ZNF536: variants seen among roughly 807,000 people sequenced by gnomAD.
ZNF536 encodes the protein zinc finger protein 536.
Under a neutral mutation model 84.5 loss-of-function variants are expected in ZNF536, and 13 were observed. The ratio of observed to expected loss-of-function variants is 0.15; its 90% CI spans 0.10 to 0.24. The LOEUF is 0.24. ZNF536 is among the 10% of genes least tolerant of loss of function. The pLI, the probability that ZNF536 is intolerant of heterozygous loss-of-function variation, is 1.00. For missense variants in ZNF536, 1,536 were observed against 1,747.5 expected (o/e 0.88, Z 2.16); for synonymous variants, 811 against 742.5 (o/e 1.09, Z -1.50).
intron 1 of ZNF536, among the ~76,000 whole-genome samples, chr19:30,595,603 T>C (rs1341284277): frequency 6.6e-6 from 1 of 152,182 alleles, no homozygotes; most frequent in Non-Finnish European, 1.5e-5. Flanking sequence ...TCAATGTTCT[T>C]GAACTGTGGT....
chr19:30,533,034 G>A (rs895248110), intron 2 of ZNF536, among the ~76,000 whole-genome samples: 15 of 152,120 alleles, frequency 9.9e-5, no homozygotes, highest in African/African-American at 3.6e-4. Context: ...GGAAAAAAAA[G>A]CTAGGTAATT....
At chr19:30,525,087 G>A (rs1283467428) in intron 2 of ZNF536, among the ~76,000 whole-genome samples, 2 of 152,136 alleles carry the variant, frequency 1.3e-5, no homozygotes, top group Non-Finnish European at 2.9e-5. Context: ...AAATGAAATG[G>A]GGAAAGGGGC....
intron 1 of ZNF536, among the ~76,000 whole-genome samples, chr19:30,656,895 G>A (rs796695761): frequency 3.9e-5 from 6 of 152,276 alleles, no homozygotes; most frequent in African/African-American, 1.4e-4. Flanking sequence ...TGGCCTGATT[G>A]GAAATTGAGA....
At chr19:30,531,781 C>G (rs958130381) in intron 2 of ZNF536, among the ~76,000 whole-genome samples, 5 of 152,054 alleles carry the variant, frequency 3.3e-5, no homozygotes, top group African/African-American at 1.2e-4. Context: ...TGCCCCACCA[C>G]ACCCAGCTAA....
At chr19:30,670,463 G>C (rs1439171606) in intron 1 of ZNF536, among the ~76,000 whole-genome samples, 3 of 152,232 alleles carry the variant, frequency 2.0e-5, no homozygotes, top group African/African-American at 7.2e-5. Flanking sequence ...CAGGAAGGCT[G>C]TCTGTGGGAT....
At chr19:30,651,606 C>A (rs1600152566) in intron 1 of ZNF536, among the ~76,000 whole-genome samples, 1 of 152,238 alleles carries the variant, frequency 6.6e-6, no homozygotes, top group East Asian at 1.9e-4. Flanking sequence ...ATTCTGCAGA[C>A]CCCAAAAGAA....
intron 2 of ZNF536, among the ~76,000 whole-genome samples, chr19:30,528,741 GT>G (rs1188663510): frequency 9.9e-5 from 15 of 152,138 alleles, no homozygotes; most frequent in African/African-American, 3.6e-4. Context: ...TCCTTCATCT[GT>G]TGGCCAAAAC....
At chr19:30,231,520 G>A (rs1431665506) in intron 1 of ZNF536, among the ~76,000 whole-genome samples, 2 of 152,222 alleles carry the variant, frequency 1.3e-5, no homozygotes, top group African/African-American at 2.4e-5. Flanking sequence ...AGGAGTTGGA[G>A]GGAAGGGAGC....
In ZNF536 at chr19:30,419,113, T is replaced by C. The variant is rs574084167; in HGVS notation, c.-2-24448T>C. On this transcript the variant is annotated intron_variant, in intron 1 of 4. Coordinates refer to ENST00000355537, the MANE Select transcript of ZNF536 (RefSeq NM_014717.3). ...TATTTTCTATGCCTATATATTCTTT[T>C]CTTTTTCAGAATTGGTACCAAACTG... is the stretch of plus-strand genomic sequence containing the variant. Among the ~76,000 whole-genome samples, 80 of 152,354 alleles carry C rather than the reference T, an allele frequency of 5.3e-4. 3 individuals are homozygous for C. In the South Asian group the frequency reaches 0.016, roughly 30 times the overall value.
intron 2 of ZNF536, among the ~76,000 whole-genome samples, chr19:30,505,537 G>A (rs1265385425): frequency 1.3e-5 from 2 of 150,608 alleles, no homozygotes; most frequent in Admixed American, 1.3e-4. Context: ...GTTTGACCAA[G>A]GATATTCACT....
intron 2 of ZNF536, among the ~76,000 whole-genome samples, chr19:30,466,518 A>G (rs1213252098): frequency 6.6e-6 from 1 of 151,762 alleles, no homozygotes; most frequent in African/African-American, 2.4e-5. Flanking sequence ...GAGCTGAGAT[A>G]TACCATTGCA....
At chr19:30,581,121 A>C (rs995523103) in intron 1 of ZNF536, among the ~76,000 whole-genome samples, 3 of 152,250 alleles carry the variant, frequency 2.0e-5, no homozygotes, top group Admixed American at 1.3e-4. Flanking sequence ...CTACTTATTT[A>C]GAAAAAGAAA....
Position 30,445,528 on chromosome 19 carries a change from G to A in ZNF536, c.1966G>A (p.Asp656Asn). ...VVVHSRVHKR[D>N]RKGEEDGLHV... ...CGTGCACTCCCGTGTCCACAAGCGG[G>A]ACCGCAAGGGCGAGGAGGATGGGCT... Residue 656 changes from aspartate to asparagine, a missense_variant, in exon 2 of 5, where the codon GAC becomes AAC. Physicochemically the swap from Asp to Asn is conservative, Grantham distance 23. Around this residue, in one of 8 missense-constraint regions of ZNF536, gnomAD observed 366 missense variants for 364.4 expected, o/e 1.00. Coordinates refer to ENST00000355537, the MANE Select transcript of ZNF536 (RefSeq NM_014717.3). This position sits in a 1 kb window ranked among gnomAD's most constrained non-coding sequence, Gnocchi z 4.5. The A allele has an allele frequency of 6.2e-7, 1 of 1,613,910 alleles. No individual in the cohort carries two copies. The highest frequency in any genetic ancestry group is 8.5e-7 in the Non-Finnish European group (1 of 1,179,970).
At chr19:30,292,867 A>C (rs2045885895) in intron 2 of ZNF536, among the ~76,000 whole-genome samples, 1 of 152,226 alleles carries the variant, frequency 6.6e-6, no homozygotes, top group Non-Finnish European at 1.5e-5. Flanking sequence ...AGATAGTTTT[A>C]GGATGCAGGC....
chr19:30,454,545 ATG>A (rs1366883638), intron 2 of ZNF536, among the ~76,000 whole-genome samples: 2 of 152,236 alleles, frequency 1.3e-5, no homozygotes, highest in Non-Finnish European at 2.9e-5. Flanking sequence ...TTGCTAAAAT[ATG>A]TGTTTTTATT....
At chr19:30,231,015 C>T (rs2023000360) in intron 1 of ZNF536, among the ~76,000 whole-genome samples, 1 of 151,178 alleles carries the variant, frequency 6.6e-6, no homozygotes, top group African/African-American at 2.4e-5. Flanking sequence ...AAGAAGAAAG[C>T]AAATAGATTT....
chr19:30,691,244 G>A (rs976178234), intron 1 of ZNF536, among the ~76,000 whole-genome samples: 4 of 152,168 alleles, frequency 2.6e-5, no homozygotes, highest in Middle Eastern at 3.4e-3. Flanking sequence ...GACCACCTCC[G>A]CTGGCCCACC....
intron 2 of ZNF536, among the ~76,000 whole-genome samples, chr19:30,452,035 G>T (rs1278621267): frequency 6.6e-6 from 1 of 152,222 alleles, no homozygotes; most frequent in Non-Finnish European, 1.5e-5. Context: ...CACCACCTTG[G>T]GTGTGTTGGG....
intron 3 of ZNF536, among the ~76,000 whole-genome samples, chr19:30,362,078 A>G (rs1037862700): frequency 3.3e-5 from 5 of 152,200 alleles, no homozygotes; most frequent in East Asian, 1.9e-4. Context: ...GGGCACGGGC[A>G]GTTGAGAAAG....
Sources: gnomAD v4.1 joint callset for allele counts (sites outside exome capture counted in the v4.1 genomes callset) on GRCh38, gnomAD v4.1.1 for gene constraint, gnomAD v4.1.1 regional missense constraint, Gnocchi (gnomAD v3.1) non-coding constraint, MANE v1.5 for transcripts, NCBI Gene and HGNC (gene_info 2026-07-23, HGNC 2026-07-21) for gene names.